Variants in LRP1B observed in about 807,000 individuals in gnomAD.
The protein encoded by LRP1B is low-density lipoprotein receptor-related protein 1B.
Under a neutral mutation model 556.6 loss-of-function variants are expected in LRP1B, and 217 were observed. The ratio of observed to expected loss-of-function variants is 0.39; its 90% CI spans 0.35 to 0.44. The LOEUF (loss-of-function observed/expected upper bound fraction) is 0.44, where lower values mean the gene tolerates loss of function less well. Among genes scored for constraint, LRP1B ranks in the 20% least tolerant of loss-of-function variants. LRP1B has a pLI of 1.00. For synonymous variants in LRP1B, 2,047 were observed against 1,865.8 expected (o/e 1.10, Z -2.50); for missense variants, 5,053 against 5,620.8 (o/e 0.90, Z 3.23).
rs181548614 is a variant in LRP1B at position 141,803,343 on chromosome 2, C to A, written c.205+6936G>T. On this transcript the variant is annotated intron_variant, in intron 2 of 90. Transcript: ENST00000389484. ...ACTGGGCAAATGTACCAGTGTTAGG[C>A]CCTTTCAATTCACAATTACACTGAT... Among the ~76,000 whole-genome samples, 3 of 151,746 alleles carry A rather than the reference C, an allele frequency of 2.0e-5. No individual in the cohort carries two copies. In the East Asian group the frequency reaches 5.8e-4, roughly 30 times the overall value.
chr2:141,232,988 C>T (rs1683526269), intron 5 of LRP1B, among the ~76,000 whole-genome samples: 1 of 152,178 alleles, frequency 6.6e-6, no homozygotes, highest in Admixed American at 6.5e-5. Flanking sequence ...CTACCTGCAC[C>T]ACATCTAATG....
chr2:140,810,390 A>G (rs1205165315), intron 32 of LRP1B, among the ~76,000 whole-genome samples: 2 of 152,106 alleles, frequency 1.3e-5, no homozygotes, highest in Non-Finnish European at 2.9e-5. Flanking sequence ...CCTGTAGACA[A>G]ATTTCTTTTT....
intron 2 of LRP1B, among the ~76,000 whole-genome samples, chr2:141,796,515 C>A (rs1157920715): frequency 6.7e-6 from 1 of 148,854 alleles, no homozygotes; most frequent in Admixed American, 6.7e-5. Context: ...GTATGGATTT[C>A]TTTTTTCTTT....
intron 1 of LRP1B, among the ~76,000 whole-genome samples, chr2:141,921,425 G>T (rs1329413328): frequency 6.6e-6 from 1 of 151,812 alleles, no homozygotes; most frequent in Admixed American, 6.6e-5. Context: ...TAAATAAAAG[G>T]TTCATACATG....
chr2:141,328,578 C>T (rs556970863), intron 3 of LRP1B, among the ~76,000 whole-genome samples: 1 of 152,306 alleles, frequency 6.6e-6, no homozygotes, highest in South Asian at 2.1e-4. Flanking sequence ...TATTTAAGCC[C>T]TCTAATCTGA....
chr2:140,524,327 G>T (rs1690325581), intron 49 of LRP1B, among the ~76,000 whole-genome samples: 1 of 151,846 alleles, frequency 6.6e-6, no homozygotes, highest in South Asian at 2.1e-4. Context: ...AAAGTAAGAT[G>T]TTGGTGAGGT....
chr2:141,923,817 C>T (rs1435877416), intron 1 of LRP1B, among the ~76,000 whole-genome samples: 1 of 151,848 alleles, frequency 6.6e-6, no homozygotes, highest in African/African-American at 2.4e-5. Context: ...TTTCCCTTTC[C>T]CTGGTTTTTA....
At chr2:140,721,732 T>C (rs7586147) in intron 35 of LRP1B, among the ~76,000 whole-genome samples, 1 of 116,280 alleles carries the variant, frequency 8.6e-6, no homozygotes. Flanking sequence ...TTTTTTTTTG[T>C]ATTTTTAGTA....
At chr2:140,571,831 T>A (rs1574091914) in intron 43 of LRP1B, among the ~76,000 whole-genome samples, 1 of 151,780 alleles carries the variant, frequency 6.6e-6, no homozygotes, top group East Asian at 1.9e-4. Flanking sequence ...AACAGATAAC[T>A]TAAAAATAAA....
At chr2:141,084,365 G>T (rs1377772119) in intron 7 of LRP1B, among the ~76,000 whole-genome samples, 2 of 152,132 alleles carry the variant, frequency 1.3e-5, no homozygotes, top group Non-Finnish European at 2.9e-5. Context: ...TATGCCAAAT[G>T]AATTTCAGAA....
chr2:140,247,611 C>T (rs556273683), intron 86 of LRP1B, among the ~76,000 whole-genome samples: 1 of 151,646 alleles, frequency 6.6e-6, no homozygotes, highest in African/African-American at 2.4e-5. Flanking sequence ...AGTCATCTGT[C>T]TTATAGTTCA....
intron 32 of LRP1B, among the ~76,000 whole-genome samples, chr2:140,782,154 G>T (rs563473999): frequency 1.3e-5 from 2 of 152,150 alleles, no homozygotes; most frequent in Non-Finnish European, 2.9e-5. Flanking sequence ...TACGTAAGCA[G>T]GGAGCTAATA....
chr2:140,312,392 T>A (rs1325550677), intron 83 of LRP1B, among the ~76,000 whole-genome samples: 1 of 151,964 alleles, frequency 6.6e-6, no homozygotes, highest in Non-Finnish European at 1.5e-5. Flanking sequence ...TGACTCACTT[T>A]GATATAAACA....
intron 5 of LRP1B, among the ~76,000 whole-genome samples, chr2:141,241,823 C>T (rs914291294): frequency 6.6e-6 from 1 of 151,844 alleles, no homozygotes; most frequent in Non-Finnish European, 1.5e-5. Context: ...TGACTAGGCT[C>T]ACTCCTAGCC....
chr2:141,519,586 T>C (rs756864166), intron 2 of LRP1B, among the ~76,000 whole-genome samples: 1 of 151,880 alleles, frequency 6.6e-6, no homozygotes, highest in Non-Finnish European at 1.5e-5. Context: ...TTCACTCTTA[T>C]TGACTTGAGA....
chr2:141,330,460 A>G (rs1450617468), intron 3 of LRP1B, among the ~76,000 whole-genome samples: 1 of 152,190 alleles, frequency 6.6e-6, no homozygotes. Context: ...GGAATTCAAC[A>G]TCAACTTTTA....
rs1161998097 is a variant in LRP1B at position 141,425,605 on chromosome 2, T to C, written c.343+54791A>G. On this transcript the variant is annotated intron_variant, in intron 3 of 90. Coordinates refer to ENST00000389484, the MANE Select transcript of LRP1B (RefSeq NM_018557.3). ...TGTTGTTTCCTGACTTTTTAATGATTGCCATTCTAACTGGTGTGAGATGGT... is the reference window on the plus strand; with the variant it reads ...TGTTGTTTCCTGACTTTTTAATGATCGCCATTCTAACTGGTGTGAGATGGT... Among the ~76,000 whole-genome samples, 348 of 147,894 alleles carry C rather than the reference T, an allele frequency of 2.4e-3. 12 individuals carry two copies. In the East Asian group the frequency reaches 0.051, roughly 22 times the overall value.
intron 1 of LRP1B, among the ~76,000 whole-genome samples, chr2:141,933,868 C>T (rs1700566766): frequency 6.6e-6 from 1 of 151,988 alleles, no homozygotes; most frequent in South Asian, 2.1e-4. Context: ...TTTATAAATT[C>T]ATGAGTAATA....
chr2:141,668,288 G>A (rs1690520866), intron 2 of LRP1B, among the ~76,000 whole-genome samples: 2 of 152,046 alleles, frequency 1.3e-5, no homozygotes, highest in Admixed American at 1.3e-4. Flanking sequence ...GGAAATACTG[G>A]GTAGAGGATG....
Sources: gnomAD v4.1 joint callset for allele counts (sites outside exome capture counted in the v4.1 genomes callset) on GRCh38, gnomAD v4.1.1 for gene constraint, MANE v1.5 for transcripts, NCBI Gene and HGNC (gene_info 2026-07-23, HGNC 2026-07-21) for gene names.